Variants in BMPR2 observed in about 807,000 individuals in gnomAD.
BMPR2 encodes bone morphogenetic protein receptor type-2.
In BMPR2, 29 loss-of-function variants were observed where a neutral mutation model predicts 100.8. The observed-to-expected ratio is 0.29, with a 90% confidence interval of 0.21 to 0.39. The LOEUF (loss-of-function observed/expected upper bound fraction) is 0.39. Among genes scored for constraint, BMPR2 ranks in the 10% least tolerant of loss-of-function variants. BMPR2 has a pLI of 1.00. For missense variants in BMPR2, 1,011 were observed against 1,274.5 expected (o/e 0.79, Z 3.15); for synonymous variants, 382 against 442.3 (o/e 0.86, Z 1.71).
intron 10 of BMPR2, among the ~76,000 whole-genome samples, chr2:202,548,255 T>C (rs1688410704): frequency 1.3e-5 from 2 of 152,154 alleles, no homozygotes; most frequent in African/African-American, 4.8e-5. Flanking sequence ...GAATTCAACA[T>C]TTTACATACT....
chr2:202,506,671 C>A (rs990495427), intron 3 of BMPR2, among the ~76,000 whole-genome samples: 1 of 151,942 alleles, frequency 6.6e-6, no homozygotes, highest in Non-Finnish European at 1.5e-5. Context: ...GAGGCCGAGG[C>A]GGGTGGATTA....
At chr2:202,558,446 A>T (rs984548450) in intron 12 of BMPR2, among the ~76,000 whole-genome samples, 1 of 152,120 alleles carries the variant, frequency 6.6e-6, no homozygotes, top group African/African-American at 2.4e-5. Flanking sequence ...TTATGAAAAA[A>T]AGTTATGTTT....
At chr2:202,437,916 A>G (rs911162838) in intron 1 of BMPR2, among the ~76,000 whole-genome samples, 5 of 146,716 alleles carry the variant, frequency 3.4e-5, no homozygotes, top group South Asian at 2.2e-4. Flanking sequence ...GAATAATGCC[A>G]TTATGAGTAT....
chr2:202,541,015 C>T (rs944436959), intron 9 of BMPR2, among the ~76,000 whole-genome samples: 8 of 152,004 alleles, frequency 5.3e-5, no homozygotes, highest in Non-Finnish European at 8.8e-5. Flanking sequence ...ATTTTATTAT[C>T]ATATTTTGTA....
Position 202,555,150 on chromosome 2 carries a change from A to C in BMPR2, c.1587-102A>C, listed in dbSNP as rs1373363206. 2.7e-6 allele frequency: 3 copies of C among 1,105,112 alleles called. No individual in the cohort carries two copies. The African/African-American group carries it at 4.7e-5, about 17-fold the overall frequency. The allele number at this position is 1,105,112 out of a possible 1,614,324, so 68.5% of individuals were successfully genotyped here. Reference sequence around the variant, plus strand: ...TAGAAAAATGTACGTTTGGAAGAAAATGAAAAACAACTCAGACTTTAAAAT... The same window carrying C: ...TAGAAAAATGTACGTTTGGAAGAAACTGAAAAACAACTCAGACTTTAAAAT... On this transcript the variant is annotated intron_variant, in intron 11 of 12. Transcript: ENST00000374580.
intron 9 of BMPR2, among the ~76,000 whole-genome samples, chr2:202,535,840 C>T (rs1424312736): frequency 2.0e-5 from 3 of 152,188 alleles, no homozygotes; most frequent in East Asian, 3.9e-4. Flanking sequence ...CCCGGCACCT[C>T]GGGAGGCCGA....
chr2:202,434,727 G>A (rs933255407), intron 1 of BMPR2, among the ~76,000 whole-genome samples: 25 of 147,566 alleles, frequency 1.7e-4, no homozygotes, highest in Middle Eastern at 3.4e-3. Flanking sequence ...GGGCTCAAGC[G>A]AGCATCCTAC....
intron 10 of BMPR2, among the ~76,000 whole-genome samples, chr2:202,547,035 C>T (rs1236649312): frequency 6.6e-6 from 1 of 151,998 alleles, no homozygotes; most frequent in African/African-American, 2.4e-5. Flanking sequence ...CCCAGAGTGC[C>T]GGGATTACAG....
chr2:202,549,709 T>C (rs954506299), intron 10 of BMPR2, among the ~76,000 whole-genome samples: 4 of 146,056 alleles, frequency 2.7e-5, no homozygotes, highest in African/African-American at 1.0e-4. Context: ...ATCGCACCAC[T>C]GCAATCCAGC....
chr2:202,539,711 AAGAAG>A (rs1375231470), intron 9 of BMPR2, among the ~76,000 whole-genome samples: 1 of 152,024 alleles, frequency 6.6e-6, no homozygotes, highest in African/African-American at 2.4e-5. Flanking sequence ...GGAAGAAAAA[AAGAAG>A]AGATAGAAAA....
rs184555012 is a variant in BMPR2 at position 202,472,796 on chromosome 2, G to A, written c.418+5107G>A. On this transcript the variant is annotated intron_variant, in intron 3 of 12. Transcript: ENST00000374580. ...TGACCCAAAAGTAGGAATATTGCCA[G>A]CTAGGAATCAGTAATGCTATTGCAA... Among the ~76,000 whole-genome samples the A allele has an allele frequency of 2.9e-3, 443 of 152,306 alleles. 1 individual carries two copies. The highest frequency in any genetic ancestry group is 0.01 in the African/African-American group (422 of 41,566).
rs143742024 is a variant in BMPR2 at position 202,522,893 on chromosome 2, C to T, written c.967+2692C>T. Among the ~76,000 whole-genome samples, 126 of 152,026 alleles carry T rather than the reference C, an allele frequency of 8.3e-4. No individual in the cohort carries two copies. In the Middle Eastern group the frequency reaches 0.014, roughly 16 times the overall value. On this transcript the variant is annotated intron_variant, in intron 7 of 12. Coordinates refer to ENST00000374580, the MANE Select transcript of BMPR2 (RefSeq NM_001204.7). ...ACATTCTTCCTCTAAGATATACATGCGAGCATACTTAGAAAATGTTCTTTT... is the reference window on the plus strand; with the variant it reads ...ACATTCTTCCTCTAAGATATACATGTGAGCATACTTAGAAAATGTTCTTTT...
At chr2:202,478,635 ATGG>A (rs1419675635) in intron 3 of BMPR2, among the ~76,000 whole-genome samples, 1 of 152,178 alleles carries the variant, frequency 6.6e-6, no homozygotes, top group East Asian at 1.9e-4. Context: ...AGGGCCAGGC[ATGG>A]CAGCTCACAC....
chr2:202,400,219 G>A (rs1308614576), intron 1 of BMPR2, among the ~76,000 whole-genome samples: 1 of 152,068 alleles, frequency 6.6e-6, no homozygotes, highest in East Asian at 1.9e-4. Flanking sequence ...ATAGTTCACT[G>A]CAACCTTTAA....
chr2:202,471,583 C>G (rs1692438573), intron 3 of BMPR2, among the ~76,000 whole-genome samples: 1 of 152,118 alleles, frequency 6.6e-6, no homozygotes, highest in Admixed American at 6.6e-5. Flanking sequence ...GGTAATATCA[C>G]ACAAACCCCA....
intron 3 of BMPR2, among the ~76,000 whole-genome samples, chr2:202,469,900 G>A (rs768586989): frequency 1.3e-5 from 2 of 152,244 alleles, no homozygotes; most frequent in Admixed American, 1.3e-4. Context: ...TATAAGCACA[G>A]TATTTGACTA....
At chr2:202,386,089 C>A (rs1690421038) in intron 1 of BMPR2, among the ~76,000 whole-genome samples, 1 of 152,098 alleles carries the variant, frequency 6.6e-6, no homozygotes, top group Non-Finnish European at 1.5e-5. Flanking sequence ...CTCCTTATGT[C>A]CCTGATGGCT....
At chr2:202,500,782 C>G (rs558649218) in intron 3 of BMPR2, among the ~76,000 whole-genome samples, 1 of 152,218 alleles carries the variant, frequency 6.6e-6, no homozygotes, top group South Asian at 2.1e-4. Context: ...ACCCCTATAC[C>G]CTGCTCTCTC....
At chr2:202,406,904 TG>T (rs1462802210) in intron 1 of BMPR2, among the ~76,000 whole-genome samples, 1 of 152,090 alleles carries the variant, frequency 6.6e-6, no homozygotes, top group Non-Finnish European at 1.5e-5. Context: ...CGAGGAGTCC[TG>T]TTCAGGTGTT....
Sources: gnomAD v4.1 joint callset for allele counts (sites outside exome capture counted in the v4.1 genomes callset) on GRCh38, gnomAD v4.1.1 for gene constraint, MANE v1.5 for transcripts, NCBI Gene and HGNC (gene_info 2026-07-23, HGNC 2026-07-21) for gene names.